ATG7: variants seen among roughly 807,000 people sequenced by gnomAD.
ATG7 encodes ubiquitin-like modifier-activating enzyme ATG7.
In ATG7, 70 loss-of-function variants were observed where a neutral mutation model predicts 82.4. That is an observed-to-expected ratio of 0.85 (90% confidence interval 0.70 to 1.04). ATG7 has a LOEUF of 1.04. ATG7 is among the 50% of genes least tolerant of loss of function. The pLI is 0.00. For missense variants in ATG7, 792 were observed against 864.3 expected, an observed-to-expected ratio of 0.92 and a Z score of 1.05; for synonymous variants, 287 against 313.0, an observed-to-expected ratio of 0.92 and a Z score of 0.88.
At chr3:11,375,201 C>G (rs990887894) in intron 18 of ATG7, among the ~76,000 whole-genome samples, 2 of 152,092 alleles carry the variant, frequency 1.3e-5, no homozygotes, top group African/African-American at 4.8e-5. Flanking sequence ...GAGCAAGACA[C>G]TCTATCAAAA....
At chr3:11,486,517 A>G (rs2089669301) in intron 20 of ATG7, among the ~76,000 whole-genome samples, 1 of 151,210 alleles carries the variant, frequency 6.6e-6, no homozygotes, top group African/African-American at 2.4e-5. Flanking sequence ...TTCCTAATTG[A>G]ATACCCTTTA....
At chr3:11,491,419 T>C (rs938891682) in intron 20 of ATG7, among the ~76,000 whole-genome samples, 2 of 152,206 alleles carry the variant, frequency 1.3e-5, no homozygotes, top group African/African-American at 4.8e-5. Flanking sequence ...TGGTTTGAAT[T>C]TCCTCCTGTA....
intron 18 of ATG7, among the ~76,000 whole-genome samples, chr3:11,374,657 G>A (rs1488828343): frequency 1.3e-5 from 2 of 152,090 alleles, no homozygotes; most frequent in African/African-American, 2.4e-5. Flanking sequence ...TGTAATCCCA[G>A]CACTTTGGGA....
intron 20 of ATG7, among the ~76,000 whole-genome samples, chr3:11,473,578 G>A (rs753028164): frequency 7.9e-5 from 12 of 152,156 alleles, no homozygotes; most frequent in Non-Finnish European, 1.6e-4. Flanking sequence ...TACTGGAAAA[G>A]TATGAGACCC....
At chr3:11,471,285 CCT>C (rs1393196552) in intron 20 of ATG7, among the ~76,000 whole-genome samples, 1 of 152,178 alleles carries the variant, frequency 6.6e-6, no homozygotes, top group Non-Finnish European at 1.5e-5. Context: ...GCTCTGGACT[CCT>C]CACACTTCTG....
intron 20 of ATG7, among the ~76,000 whole-genome samples, chr3:11,491,198 C>T (rs1284377444): frequency 2.6e-5 from 4 of 151,982 alleles, no homozygotes; most frequent in Non-Finnish European, 4.4e-5. Context: ...TCTAAACTTC[C>T]CTTCTTGCTT....
chr3:11,500,060 G>C (rs993432776), intron 20 of ATG7, among the ~76,000 whole-genome samples: 3 of 152,096 alleles, frequency 2.0e-5, no homozygotes, highest in Non-Finnish European at 4.4e-5. Flanking sequence ...CATCTTCTGG[G>C]GATGCTGTAA....
chr3:11,571,333 G>A, the ATG7 span, among the ~76,000 whole-genome samples: 48,687 of 151,934 alleles, frequency 0.32, 9,660 homozygotes, highest in Non-Finnish European at 0.46. Flanking sequence ...TGCGAATGCC[G>A]CCACAGCCAG....
At chr3:11,486,487 G>A (rs1406950752) in intron 20 of ATG7, among the ~76,000 whole-genome samples, 3 of 151,580 alleles carry the variant, frequency 2.0e-5, no homozygotes, top group Non-Finnish European at 4.4e-5. Context: ...CTGCAAACAG[G>A]GACAATTTGA....
At chr3:11,391,958 T>TGGG (rs5846709) in intron 19 of ATG7, among the ~76,000 whole-genome samples, 31 of 126,694 alleles carry the variant, frequency 2.4e-4, no homozygotes, top group African/African-American at 8.3e-4. Flanking sequence ...TTGTACTTAT[T>TGGG]GGGGGGGGGG....
chr3:11,494,147 C>A (rs142240102), intron 20 of ATG7, among the ~76,000 whole-genome samples: 1 of 152,316 alleles, frequency 6.6e-6, no homozygotes, highest in East Asian at 1.9e-4. Context: ...TCAGGCGCTG[C>A]AGCAGGCAAG....
At chr3:11,471,367 C>G (rs1040128758) in intron 20 of ATG7, among the ~76,000 whole-genome samples, 1 of 152,166 alleles carries the variant, frequency 6.6e-6, no homozygotes, top group African/African-American at 2.4e-5. Context: ...TGCCCCACAC[C>G]TGTCACCTGA....
In ATG7 at chr3:11,556,467, C is replaced by T. The variant is rs774018935; in HGVS notation, c.*1624C>T. The T allele has an allele frequency of 7.9e-5, 12 of 152,704 alleles. No individual in the cohort carries two copies. The highest frequency in any genetic ancestry group is 2.7e-4 in the African/African-American group (11 of 41,418). The allele number at this position is 152,704 out of a possible 1,614,324, so 9.5% of individuals were successfully genotyped here. On this transcript the variant is annotated 3_prime_UTR_variant, in exon 21 of 21. Coordinates refer to ENST00000693202, the MANE Select transcript of ATG7 (RefSeq NM_001349232.2). ...GTCCCAGGAGTGTCCTCCACCGAGC[C>T]GGTCAGCTGTGGGTGGTTTTCCTGT...
chr3:11,348,650 A>T, intron 14 of ATG7: 1 of 152,262 alleles, frequency 6.6e-6, no homozygotes, highest in South Asian at 2.1e-4. Context: ...TGTGAAGAAC[A>T]AAAGAACAAA....
chr3:11,291,374 G>A (rs1944958871), intron 3 of ATG7, among the ~76,000 whole-genome samples: 1 of 152,226 alleles, frequency 6.6e-6, no homozygotes, highest in African/African-American at 2.4e-5. Context: ...CTGATGGGCA[G>A]TAGAAAGTTC....
chr3:11,429,172 T>TA (rs1284970306), intron 20 of ATG7, among the ~76,000 whole-genome samples: 2 of 152,196 alleles, frequency 1.3e-5, no homozygotes, highest in Non-Finnish European at 2.9e-5. Context: ...CCCAGTTTGT[T>TA]AAATTCTGAA....
chr3:11,423,631 C>T (rs74933978), intron 19 of ATG7, among the ~76,000 whole-genome samples: 3 of 149,972 alleles, frequency 2.0e-5, no homozygotes, highest in African/African-American at 4.9e-5. Context: ...TTTTTTTTTC[C>T]AGGGGGTTAG....
At chr3:11,452,384 C>CAAAA (rs34530409) in intron 20 of ATG7, among the ~76,000 whole-genome samples, 1,292 of 58,026 alleles carry the variant, frequency 0.022, 118 homozygotes, top group African/African-American at 0.064. Flanking sequence ...GAACCTGTCT[C>CAAAA]AAAAAAAAAA....
At chr3:11,335,924 C>T (rs1952388160) in intron 11 of ATG7, among the ~76,000 whole-genome samples, 1 of 152,010 alleles carries the variant, frequency 6.6e-6, no homozygotes, top group South Asian at 2.1e-4. Flanking sequence ...GTCTCGAACC[C>T]CTAATCTCAT....
Sources: allele counts gnomAD v4.1 joint callset (sites outside exome capture counted in the v4.1 genomes callset), GRCh38; gene constraint gnomAD v4.1.1; transcripts MANE v1.5; gene names NCBI Gene and HGNC (gene_info 2026-07-23, HGNC 2026-07-21).